The following PROM1 variants were observed in gnomAD, a reference collection of about 807,000 sequenced individuals.
PROM1 encodes prominin-1.
Under a neutral mutation model 116.9 loss-of-function variants are expected in PROM1, and 105 were observed. The observed-to-expected ratio is 0.90, with a 90% CI of 0.77 to 1.06. PROM1 has a LOEUF of 1.06. Ranked by LOEUF, PROM1 falls within the 50% of genes least tolerant of loss-of-function variation. PROM1 has a pLI of 0.00. For missense variants in PROM1, 1,122 were observed against 1,045.2 expected (o/e 1.07, Z -1.01); for synonymous variants, 393 against 387.0 (o/e 1.02, Z -0.18).
Position 16,041,779 on chromosome 4 carries a change from TAA to T in PROM1, c.221-2780_221-2779del, listed in dbSNP as rs1397135711. Among the ~76,000 whole-genome samples, 71 of 34,454 alleles carry T rather than the reference TAA, an allele frequency of 2.1e-3. 1 individual carries two copies. Among genetic ancestry groups the T allele is most frequent in the African/African-American group, 4.8e-3 (33 of 6,894 alleles). The allele number at this position is 34,454 out of a possible 152,430, so 22.6% of individuals were successfully genotyped here. On this transcript the variant is annotated intron_variant, in intron 2 of 27. Coordinates refer to ENST00000447510, the MANE Select transcript of PROM1 (RefSeq NM_006017.3). ...ATAAATAAATAAATAAATAAATAAATAAATAAATATATATATATATATATATA... is the reference window on the plus strand; with the variant it reads ...ATAAATAAATAAATAAATAAATAAATATAAATATATATATATATATATATA...
intron 1 of PROM1, among the ~76,000 whole-genome samples, chr4:16,081,908 C>T (rs1442450471): frequency 3.7e-5 from 3 of 81,404 alleles, no homozygotes. Context: ...TTATGGAACA[C>T]ATGAAAAAAA....
chr4:15,995,331 CG>C (rs1560433847), intron 15 of PROM1, among the ~76,000 whole-genome samples: 2 of 72,146 alleles, frequency 2.8e-5, no homozygotes, highest in Non-Finnish European at 6.4e-5. Flanking sequence ...AAGAAGAAGA[CG>C]AAGAAGACGA....
intron 8 of PROM1, among the ~76,000 whole-genome samples, chr4:16,021,753 G>C (rs1729950957): frequency 2.6e-5 from 4 of 152,022 alleles, no homozygotes; most frequent in Admixed American, 2.6e-4. Flanking sequence ...ACTCTTCAAG[G>C]TACTAAGTCC....
At position 16,013,270 on chromosome 4, in the gene PROM1, C is replaced by G. The variant is rs878853402; in HGVS notation, c.1141+5G>C. The G allele has an allele frequency of 3.8e-6, 6 of 1,599,828 alleles. 1 individual carries two copies. The highest frequency in any genetic ancestry group is 5.1e-6 in the Non-Finnish European group (6 of 1,167,092). The stretch of plus-strand genomic sequence containing the variant: ...CACAAAATCACCTCAAACTGTGAAT[C>G]TCACCTGCTACGACAGTCGTGGTTT... On this transcript the variant is annotated splice_donor_5th_base_variant and intron_variant, in intron 11 of 27. Transcript: ENST00000447510.
intron 13 of PROM1, among the ~76,000 whole-genome samples, chr4:16,000,979 G>T (rs1217758430): frequency 6.6e-6 from 1 of 152,194 alleles, no homozygotes; most frequent in Non-Finnish European, 1.5e-5. Flanking sequence ...GGGGCTGAAA[G>T]CACACGAGGA....
At chr4:16,010,867 G>A (rs764302310) in intron 11 of PROM1, among the ~76,000 whole-genome samples, 8 of 152,142 alleles carry the variant, frequency 5.3e-5, no homozygotes, top group African/African-American at 9.7e-5. Context: ...ACACAGAAGC[G>A]AGCAACAGAG....
intron 13 of PROM1, among the ~76,000 whole-genome samples, chr4:16,003,517 A>T (rs1310811758): frequency 6.6e-6 from 1 of 152,156 alleles, no homozygotes; most frequent in Admixed American, 6.5e-5. Context: ...TGTTGTCAAT[A>T]CCTAAAATGG....
intron 20 of PROM1, among the ~76,000 whole-genome samples, chr4:15,986,489 C>T (rs1719446393): frequency 6.6e-6 from 1 of 152,128 alleles, no homozygotes; most frequent in African/African-American, 2.4e-5. Flanking sequence ...ACCCACATGG[C>T]AGCTTGGTGC....
rs182877482 is a variant in PROM1 at position 16,033,480 on chromosome 4, T to C, written c.333A>G (p.Leu111=). ...TAAACAGCAGCCCCAGGACACAGCA[T>C]AGAATAATCCCTGCTTCATAGTAGA... ...KIVYYEAGII[L]CCVLGLLFII... is the part of the protein sequence containing the mutation. Residue 111 remains leucine, a synonymous_variant, in exon 5 of 28, where the codon CTA becomes CTG. Transcript: ENST00000447510. 152 of 1,608,590 alleles carry C rather than the reference T, an allele frequency of 9.4e-5. No homozygotes were observed. In the East Asian group the frequency reaches 2.7e-3, roughly 28 times the overall value.
intron 2 of PROM1, among the ~76,000 whole-genome samples, chr4:16,041,781 AATAAATATAT>A (rs142570229): frequency 0.35 from 19,474 of 56,326 alleles, 1,819 homozygotes; most frequent in Middle Eastern, 0.47. Context: ...TAAATAAATA[AATAAATATAT>A]ATATATATAT....
At chr4:16,033,693 G>A (rs1733321082) in intron 4 of PROM1, among the ~76,000 whole-genome samples, 184 bp from the exon 5 acceptor site, 1 of 146,230 alleles carries the variant, frequency 6.8e-6, no homozygotes, top group Non-Finnish European at 1.5e-5. Flanking sequence ...GGGTTCAAGC[G>A]ATTCTTGGGC....
At chr4:16,054,648 G>A (rs555552545) in intron 2 of PROM1, among the ~76,000 whole-genome samples, 1 of 152,198 alleles carries the variant, frequency 6.6e-6, no homozygotes, top group African/African-American at 2.4e-5. Context: ...AAAAAATAAT[G>A]TGTGAAAATC....
intron 20 of PROM1, 58 bp downstream of exon 20, chr4:15,987,605 T>A: frequency 6.6e-7 from 1 of 1,516,250 alleles, no homozygotes; most frequent in Non-Finnish European, 9.1e-7. Flanking sequence ...ATTTCTAGCA[T>A]TCTTTGTGTG....
intron 2 of PROM1, among the ~76,000 whole-genome samples, chr4:16,058,301 T>TA (rs1317381519): frequency 6.6e-6 from 1 of 152,164 alleles, no homozygotes; most frequent in Non-Finnish European, 1.5e-5. Flanking sequence ...TCATACTTTT[T>TA]AAAAAATCAC....
At chr4:16,022,853 T>A (rs1182345826) in intron 8 of PROM1, among the ~76,000 whole-genome samples, 2 of 152,190 alleles carry the variant, frequency 1.3e-5, no homozygotes, top group Admixed American at 6.5e-5. Flanking sequence ...GAAAAAGGAA[T>A]CAATTTCCCT....
At chr4:16,015,639 G>A (rs1172892009) in intron 10 of PROM1, among the ~76,000 whole-genome samples, 5 of 151,968 alleles carry the variant, frequency 3.3e-5, no homozygotes, top group East Asian at 1.9e-4. Context: ...GCAGTGAGCC[G>A]AGATCGTACC....
chr4:16,046,623 AG>A (rs372382882), intron 2 of PROM1, among the ~76,000 whole-genome samples: 145 of 152,380 alleles, frequency 9.5e-4, no homozygotes, highest in African/African-American at 3.2e-3. Flanking sequence ...AAGAAAAAGA[AG>A]GAAAACAACC....
chr4:16,073,320 A>G (rs1309394282), intron 2 of PROM1, among the ~76,000 whole-genome samples: 3 of 152,180 alleles, frequency 2.0e-5, no homozygotes, highest in Non-Finnish European at 4.4e-5. Context: ...ATAGGACTCA[A>G]TCATGCACAT....
chr4:15,987,512 A>T (rs2149089637), intron 20 of PROM1, 151 bp downstream of exon 20: 2 of 782,830 alleles, frequency 2.6e-6, no homozygotes, highest in East Asian at 5.1e-5. Flanking sequence ...GAAAGGAAAT[A>T]GTAGGAAAGC....
Sources: gnomAD v4.1 joint callset for allele counts (sites outside exome capture counted in the v4.1 genomes callset) on GRCh38, gnomAD v4.1.1 for gene constraint, MANE v1.5 for transcripts, NCBI Gene and HGNC (gene_info 2026-07-23, HGNC 2026-07-21) for gene names.